The following FBN2 variants were observed in gnomAD, a reference collection of about 807,000 sequenced individuals.
The protein encoded by FBN2 is fibrillin-2.
In FBN2, 105 loss-of-function variants were observed where a neutral mutation model predicts 355.6. The ratio of observed to expected loss-of-function variants is 0.30; its 90% CI spans 0.25 to 0.35. The LOEUF is 0.35. Ranked by LOEUF, FBN2 falls within the 10% of genes least tolerant of loss-of-function variation. FBN2 has a pLI of 1.00. For synonymous variants in FBN2, 1,350 were observed against 1,301.2 expected, an observed-to-expected ratio of 1.04 and a Z score of -0.81; for missense variants, 3,280 against 3,758.7, an observed-to-expected ratio of 0.87 and a Z score of 3.33.
chr5:128,446,589 C>T lies in FBN2; in HGVS notation c.844G>A (p.Ala282Thr), dbSNP rs772005485. ...GACQDVDECQ[A>T]IPGICQGGNC... is the part of the protein sequence containing the mutation. ...CCTCCTTGGCATATCCCTGGGATAG[C>T]CTGGCATTCATCAACATCTGCAAGA... The change falls in exon 7 of 65, where the codon GCT becomes ACT. Residue 282 changes from alanine to threonine, a missense_variant. Around this residue, in one of 6 missense-constraint regions of FBN2, gnomAD observed 343 missense variants for 331.0 expected, o/e 1.04. Coordinates refer to ENST00000262464, the MANE Select transcript of FBN2 (RefSeq NM_001999.4). 5 of 1,613,292 alleles carry T rather than the reference C, an allele frequency of 3.1e-6. No individual in the cohort carries two copies. The South Asian group carries it at 4.4e-5, about 14-fold the overall frequency.
At chr5:128,364,764 ATGTT>A in intron 17 of FBN2, 39 bp from the exon 18 acceptor site, 2 of 1,572,294 alleles carry the variant, frequency 1.3e-6, no homozygotes, top group Non-Finnish European at 1.7e-6. Flanking sequence ...ATCAACAAAC[ATGTT>A]ATTGTTTGTT....
At chr5:128,359,627 G>C (rs557563159) in intron 19 of FBN2, among the ~76,000 whole-genome samples, 1 of 152,090 alleles carries the variant, frequency 6.6e-6, no homozygotes, top group East Asian at 1.9e-4. Context: ...TCTTTCCTAT[G>C]AATGACAGAC....
intron 62 of FBN2, among the ~76,000 whole-genome samples, chr5:128,268,937 G>A (rs1018367700): frequency 7.9e-5 from 12 of 152,274 alleles, no homozygotes; most frequent in Non-Finnish European, 1.0e-4. Context: ...GGCAGAAGCT[G>A]GAAGCATTCC....
intron 41 of FBN2, 43 bp downstream of exon 41, chr5:128,309,198 CGTGTAT>C: frequency 6.3e-7 from 1 of 1,591,636 alleles, no homozygotes; most frequent in African/African-American, 1.3e-5. Flanking sequence ...TAGATATATG[CGTGTAT>C]CACTGATGTG....
chr5:128,511,608 C>G (rs1226705000), intron 5 of FBN2, among the ~76,000 whole-genome samples: 1 of 152,140 alleles, frequency 6.6e-6, no homozygotes, highest in East Asian at 1.9e-4. Context: ...AGTATCTCTG[C>G]TCTTAAGAGG....
Position 128,537,650 on chromosome 5 carries a change from A to G in FBN2, c.-47T>C, listed in dbSNP as rs758234761. The G allele has an allele frequency of 3.4e-5, 54 of 1,576,344 alleles. No individual in the cohort carries two copies. Among genetic ancestry groups the G allele is most frequent in the Middle Eastern group, 1.7e-4 (1 of 6,036 alleles). On this transcript the variant is annotated 5_prime_UTR_variant, in exon 1 of 65. Coordinates refer to ENST00000262464, the MANE Select transcript of FBN2 (RefSeq NM_001999.4). Reference sequence around the variant, plus strand: ...GCCGTAGACCCGCGGAGAGGGAGTGATCAAAGACAAAATCTGCGCGCCTCA... The same window carrying G: ...GCCGTAGACCCGCGGAGAGGGAGTGGTCAAAGACAAAATCTGCGCGCCTCA...
intron 55 of FBN2, among the ~76,000 whole-genome samples, chr5:128,284,663 C>T (rs1749090729): frequency 6.6e-6 from 1 of 152,194 alleles, no homozygotes; most frequent in Non-Finnish European, 1.5e-5. Context: ...TGAGGCACTA[C>T]ACTCGGGCTT....
At chr5:128,525,249 G>A (rs1019489145) in intron 4 of FBN2, among the ~76,000 whole-genome samples, 4 of 152,132 alleles carry the variant, frequency 2.6e-5, no homozygotes, top group Non-Finnish European at 5.9e-5. Flanking sequence ...AAAAGGATGT[G>A]TTTCAACAAG....
rs114230795 is a variant in FBN2 at position 128,385,302 on chromosome 5, A to G, written c.1604-6412T>C. Among the ~76,000 whole-genome samples, 789 of 152,124 alleles carry G rather than the reference A, an allele frequency of 5.2e-3. 9 individuals are homozygous for G. The highest frequency in any genetic ancestry group is 0.018 in the African/African-American group (766 of 41,512). ...AGCTACCACTTACAAATGAGAACAT[A>G]TGGTATTTGGTTTTCTGTGTCTGTG... On this transcript the variant is annotated intron_variant, in intron 11 of 64. Coordinates refer to ENST00000262464, the MANE Select transcript of FBN2 (RefSeq NM_001999.4).
chr5:128,342,627 G>A (rs1174385231), intron 25 of FBN2, among the ~76,000 whole-genome samples: 1 of 152,156 alleles, frequency 6.6e-6, no homozygotes, highest in African/African-American at 2.4e-5. Flanking sequence ...ACAACCCAGA[G>A]CAGGAGCTGG....
chr5:128,329,639 C>T (rs139226312), intron 33 of FBN2, among the ~76,000 whole-genome samples: 24 of 152,194 alleles, frequency 1.6e-4, no homozygotes, highest in African/African-American at 5.1e-4. Flanking sequence ...CACCACAGTG[C>T]GGAGAAATGC....
chr5:128,506,270 T>G (rs1755957667), intron 5 of FBN2, among the ~76,000 whole-genome samples: 1 of 152,158 alleles, frequency 6.6e-6, no homozygotes, highest in African/African-American at 2.4e-5. Context: ...GGAGAAGAGA[T>G]ACCCCACAAT....
In FBN2 at chr5:128,344,438, T is replaced by C; in HGVS notation, c.3290A>G (p.Lys1097Arg). 1 of 1,613,840 alleles carries C rather than the reference T, an allele frequency of 6.2e-7. No homozygotes were observed. ...AGCAAAGCCACTATTGCAACGGCAT[T>C]TGAAGCTTCCGATTGTATTTCTGCA... The part of the protein sequence containing the change: ...GKCRNTIGSF[K>R]CRCNSGFALD... The change falls in exon 25 of 65, where the codon AAA becomes AGA. Residue 1097 changes from lysine to arginine, a missense_variant. By Grantham distance (26) the Lys-to-Arg change is conservative. Transcript: ENST00000262464.
chr5:128,363,016 T>A (rs1751677752), intron 18 of FBN2, among the ~76,000 whole-genome samples: 4 of 152,174 alleles, frequency 2.6e-5, no homozygotes, highest in African/African-American at 9.7e-5. Flanking sequence ...CCTTTCTTGA[T>A]CTTGTTTTTG....
At chr5:128,284,634 C>G (rs1386342179) in intron 55 of FBN2, among the ~76,000 whole-genome samples, 1 of 152,178 alleles carries the variant, frequency 6.6e-6, no homozygotes, top group Non-Finnish European at 1.5e-5. Context: ...CTCACCAAAT[C>G]TGCCATGCTC....
At chr5:128,287,476 T>C (rs745964476) in intron 53 of FBN2, 46 bp from the exon 54 acceptor site, 86 of 1,610,012 alleles carry the variant, frequency 5.3e-5, no homozygotes, top group Non-Finnish European at 6.9e-5. Context: ...AGAGTTCTAA[T>C]TATTTGTGTA....
intron 18 of FBN2, 55 bp downstream of exon 18, chr5:128,364,545 T>A: frequency 1.3e-6 from 2 of 1,541,626 alleles, no homozygotes; most frequent in South Asian, 2.3e-5. Context: ...TCTAATATAA[T>A]CCATGGGATT....
chr5:128,453,992 C>CG (rs1055756857), intron 6 of FBN2, among the ~76,000 whole-genome samples: 6 of 146,946 alleles, frequency 4.1e-5, no homozygotes, highest in Non-Finnish European at 9.0e-5. Flanking sequence ...AATGGCTTGC[C>CG]CCCCCCCCAA....
chr5:128,443,662 T>C (rs933302106), intron 7 of FBN2, among the ~76,000 whole-genome samples: 111 of 152,322 alleles, frequency 7.3e-4, no homozygotes, highest in African/African-American at 2.6e-3. Context: ...TTCTTATTTC[T>C]GAACAGACCT....
Sources: gnomAD v4.1 joint callset for allele counts (sites outside exome capture counted in the v4.1 genomes callset) on GRCh38, gnomAD v4.1.1 for gene constraint, gnomAD v4.1.1 regional missense constraint, MANE v1.5 for transcripts, NCBI Gene and HGNC (gene_info 2026-07-23, HGNC 2026-07-21) for gene names.